Variants in KCNIP4 observed in about 807,000 individuals in gnomAD.
KCNIP4 encodes potassium voltage-gated channel interacting protein 4.
In KCNIP4, 12 loss-of-function variants were observed where a neutral mutation model predicts 34.0. The observed-to-expected ratio is 0.35, with a 90% CI of 0.23 to 0.57. The LOEUF (loss-of-function observed/expected upper bound fraction) is 0.57, where lower values mean the gene tolerates loss of function less well. KCNIP4 is among the 20% of genes least tolerant of loss of function. The pLI is 0.83. For missense variants in KCNIP4, 238 were observed against 311.7 expected (o/e 0.76, Z 1.78); for synonymous variants, 124 against 102.2 (o/e 1.21, Z -1.29).
At chr4:20,960,177 A>G (rs1186269723) in intron 1 of KCNIP4, among the ~76,000 whole-genome samples, 1 of 152,216 alleles carries the variant, frequency 6.6e-6, no homozygotes, top group Non-Finnish European at 1.5e-5. Context: ...TCCAGGACTG[A>G]GTTTGAATGC....
At chr4:20,824,688 G>A (rs957138537) in intron 3 of KCNIP4, among the ~76,000 whole-genome samples, 2 of 152,022 alleles carry the variant, frequency 1.3e-5, no homozygotes, top group African/African-American at 4.8e-5. Context: ...CAAAAAAAAT[G>A]TGATTCTTCG....
At chr4:21,928,416 T>C (rs1221207383) in intron 1 of KCNIP4, among the ~76,000 whole-genome samples, 1 of 152,064 alleles carries the variant, frequency 6.6e-6, no homozygotes, top group African/African-American at 2.4e-5. Flanking sequence ...CAGCATATCT[T>C]TAATAAGAGC....
chr4:20,970,791 G>T (rs1219963806), intron 1 of KCNIP4, among the ~76,000 whole-genome samples: 1 of 152,142 alleles, frequency 6.6e-6, no homozygotes, highest in Non-Finnish European at 1.5e-5. Context: ...GTAGCCTATT[G>T]TATTACCAGA....
At chr4:21,933,717 A>T (rs1729700480) in intron 1 of KCNIP4, among the ~76,000 whole-genome samples, 1 of 152,118 alleles carries the variant, frequency 6.6e-6, no homozygotes, top group Non-Finnish European at 1.5e-5. Context: ...ATGTGTCCTG[A>T]CACCCAGAGA....
chr4:21,556,166 G>C (rs557599434), intron 1 of KCNIP4, among the ~76,000 whole-genome samples: 1 of 152,166 alleles, frequency 6.6e-6, no homozygotes, highest in African/African-American at 2.4e-5. Context: ...GAATACTATG[G>C]AATATTCATA....
intron 3 of KCNIP4, among the ~76,000 whole-genome samples, chr4:20,828,225 G>C (rs914921910): frequency 6.6e-6 from 1 of 152,104 alleles, no homozygotes; most frequent in Non-Finnish European, 1.5e-5. Context: ...TCAGGAGATC[G>C]AGACTATCCT....
At chr4:21,156,875 T>G (rs1753181144) in intron 1 of KCNIP4, among the ~76,000 whole-genome samples, 1 of 152,182 alleles carries the variant, frequency 6.6e-6, no homozygotes, top group Admixed American at 6.5e-5. Flanking sequence ...TAATATGCAT[T>G]ACTAATGGGT....
At chr4:21,089,588 T>C (rs1293468602) in intron 1 of KCNIP4, among the ~76,000 whole-genome samples, 1 of 152,172 alleles carries the variant, frequency 6.6e-6, no homozygotes, top group Admixed American at 6.5e-5. Flanking sequence ...ATGAAACACC[T>C]TGACTGAAAG....
chr4:21,379,266 C>A (rs1196723259), intron 1 of KCNIP4, among the ~76,000 whole-genome samples: 3 of 152,194 alleles, frequency 2.0e-5, no homozygotes, highest in Admixed American at 6.5e-5. Context: ...AAAATATATT[C>A]AAAATCCAAC....
intron 1 of KCNIP4, among the ~76,000 whole-genome samples, chr4:20,997,797 A>G (rs1737701110): frequency 6.6e-6 from 1 of 152,226 alleles, no homozygotes; most frequent in African/African-American, 2.4e-5. Context: ...ATTGCCAAGT[A>G]CAAAAGAGCA....
intron 1 of KCNIP4, among the ~76,000 whole-genome samples, chr4:21,868,650 A>G (rs181016117): frequency 8.7e-4 from 132 of 152,306 alleles, no homozygotes; most frequent in East Asian, 3.5e-3. Flanking sequence ...ATCTAATTCT[A>G]TTTCCTCAAG....
chr4:21,945,898 G>GT (rs1730488221), intron 1 of KCNIP4, among the ~76,000 whole-genome samples: 1 of 150,928 alleles, frequency 6.6e-6, no homozygotes. Flanking sequence ...ACTCTAATTT[G>GT]TAAGAAACCT....
intron 1 of KCNIP4, among the ~76,000 whole-genome samples, chr4:21,250,217 T>TAA (rs34472391): frequency 0.015 from 2,081 of 140,516 alleles, 23 homozygotes; most frequent in South Asian, 0.026. Flanking sequence ...TTAGGACTGT[T>TAA]AAAAAAAAAA....
intron 3 of KCNIP4, among the ~76,000 whole-genome samples, chr4:20,837,686 A>ATATATATATT (rs1350419753): frequency 3.4e-5 from 4 of 117,400 alleles, no homozygotes; most frequent in African/African-American, 1.3e-4. Flanking sequence ...ATATATATAT[A>ATATATATATT]TTTTTTTTTC....
intron 1 of KCNIP4, among the ~76,000 whole-genome samples, chr4:21,669,360 A>G (rs1019073933): frequency 6.6e-6 from 1 of 152,182 alleles, no homozygotes; most frequent in Non-Finnish European, 1.5e-5. Context: ...TGGCCTCCCA[A>G]AGTGCTAGGA....
chr4:20,912,070 T>C (rs1728379455), intron 1 of KCNIP4, among the ~76,000 whole-genome samples: 1 of 152,200 alleles, frequency 6.6e-6, no homozygotes, highest in African/African-American at 2.4e-5. Context: ...TGCCATATAC[T>C]TCCCCAAAGT....
At chr4:21,642,912 A>C (rs1399194978) in intron 1 of KCNIP4, among the ~76,000 whole-genome samples, 1 of 152,146 alleles carries the variant, frequency 6.6e-6, no homozygotes, top group Non-Finnish European at 1.5e-5. Flanking sequence ...CTGTGATTAA[A>C]TTCAATATAA....
intron 1 of KCNIP4, among the ~76,000 whole-genome samples, chr4:21,035,777 T>C (rs1741395398): frequency 6.6e-6 from 1 of 152,224 alleles, no homozygotes; most frequent in East Asian, 1.9e-4. Context: ...GCTGCCTTGC[T>C]AAGCTCTTCC....
chr4:21,490,888 A>C (rs981835494), intron 1 of KCNIP4, among the ~76,000 whole-genome samples: 2 of 152,016 alleles, frequency 1.3e-5, no homozygotes, highest in African/African-American at 4.8e-5. Context: ...CTTAACTTGG[A>C]ATTTAAGGAA....
Sources: allele counts gnomAD v4.1 joint callset (sites outside exome capture counted in the v4.1 genomes callset), GRCh38; gene constraint gnomAD v4.1.1; transcripts MANE v1.5; gene names NCBI Gene and HGNC (gene_info 2026-07-23, HGNC 2026-07-21).